FBRSL1: variants seen among roughly 807,000 people sequenced by gnomAD.
The protein encoded by FBRSL1 is fibrosin-1-like protein.
Under a neutral mutation model 89.6 loss-of-function variants are expected in FBRSL1, and 51 were observed. The ratio of observed to expected loss-of-function variants is 0.57; its 90% CI spans 0.45 to 0.72. The LOEUF (loss-of-function observed/expected upper bound fraction) is 0.72, where lower values mean the gene tolerates loss of function less well. Among genes scored for constraint, FBRSL1 ranks in the 30% least tolerant of loss-of-function variants. The pLI is 0.00. For synonymous variants in FBRSL1, 779 were observed against 681.1 expected (o/e 1.14, Z -2.24); for missense variants, 1,618 against 1,451.8 (o/e 1.11, Z -1.86).
intron 4 of FBRSL1, among the ~76,000 whole-genome samples, chr12:132,542,641 C>T (rs1406766883): frequency 1.3e-5 from 2 of 152,184 alleles, no homozygotes; most frequent in Non-Finnish European, 2.9e-5. Context: ...GGCAGTGTTT[C>T]CAGCACCCTT....
chr12:132,511,277 C>A, intron 2 of FBRSL1: 1 of 985,616 alleles, frequency 1.0e-6, no homozygotes, highest in Non-Finnish European at 1.2e-6. Flanking sequence ...GGGGACCCCA[C>A]AGGGTGGGCA....
intron 5 of FBRSL1, chr12:132,552,752 G>A (rs1470029105): frequency 1.9e-5 from 3 of 157,504 alleles, no homozygotes; most frequent in African/African-American, 7.4e-5. Flanking sequence ...CACTCACCCC[G>A]CAGGACAGAC....
chr12:132,559,909 A>C (rs1226737835), intron 5 of FBRSL1: 2 of 149,690 alleles, frequency 1.3e-5, no homozygotes, highest in East Asian at 3.9e-4. Flanking sequence ...GGGCTGGATT[A>C]GTCGGGTCTG....
intron 2 of FBRSL1, chr12:132,509,521 TC>T: frequency 8.1e-7 from 1 of 1,235,310 alleles, no homozygotes; most frequent in Non-Finnish European, 1.0e-6. Context: ...CATTGGGCAC[TC>T]CCAGGCCCCA....
chr12:132,512,037 G>C, intron 2 of FBRSL1: 10 of 983,710 alleles, frequency 1.0e-5, no homozygotes, highest in Non-Finnish European at 1.2e-5. Flanking sequence ...GGCTTGGCTC[G>C]GGATTCATTG....
At chr12:132,511,741 G>A (rs944237424) in intron 2 of FBRSL1, 26 of 985,382 alleles carry the variant, frequency 2.6e-5, no homozygotes, top group Admixed American at 1.8e-4. Flanking sequence ...CCAGCACCCC[G>A]CACTTGCTCA....
chr12:132,559,045 C>G (rs2038899818), intron 5 of FBRSL1, among the ~76,000 whole-genome samples: 1 of 152,264 alleles, frequency 6.6e-6, no homozygotes, highest in Admixed American at 6.5e-5. Context: ...ATGGAAGGGT[C>G]CCGCCCAGGC....
At chr12:132,528,062 C>T (rs955118946) in intron 4 of FBRSL1, 74 bp downstream of exon 4, 20 of 1,362,116 alleles carry the variant, frequency 1.5e-5, no homozygotes, top group South Asian at 6.2e-5. Flanking sequence ...CTCACCTGTC[C>T]GAGGCCCCAC....
In FBRSL1 at chr12:132,584,959, C is replaced by G. The variant is rs1437540449; in HGVS notation, c.*1181C>G. 6.6e-6 allele frequency: 1 copy of G among 152,272 alleles called. No individual in the cohort carries two copies. The highest frequency in any genetic ancestry group is 1.9e-4 in the East Asian group (1 of 5,182). 9.4% of individuals were successfully genotyped at this position (152,272 alleles called of 1,614,324 possible). A position where few individuals can be genotyped will look rare whatever the true frequency, so the allele number is the denominator to read the frequency against. On this transcript the variant is annotated 3_prime_UTR_variant, in exon 19 of 19. Transcript: ENST00000680143. ...GCCTCCTCTCAGTTTGGGTTTTGCCCTCACCCACATGAGCCCCCCCATGCC... is the reference window on the plus strand; with the variant it reads ...GCCTCCTCTCAGTTTGGGTTTTGCCGTCACCCACATGAGCCCCCCCATGCC...
chr12:132,501,841 C>G (rs1352983090), intron 1 of FBRSL1, among the ~76,000 whole-genome samples: 2 of 152,174 alleles, frequency 1.3e-5, no homozygotes, highest in African/African-American at 4.8e-5. Flanking sequence ...CCCGTGGCTC[C>G]TCTCCTTCCT....
At chr12:132,504,514 T>C (rs895222104) in intron 1 of FBRSL1, among the ~76,000 whole-genome samples, 5 of 152,060 alleles carry the variant, frequency 3.3e-5, no homozygotes, top group Non-Finnish European at 5.9e-5. Flanking sequence ...GCAGTGGCGT[T>C]GCGCAGGGAG....
At chr12:132,505,479 G>A (rs1215833208) in intron 1 of FBRSL1, among the ~76,000 whole-genome samples, 2 of 152,064 alleles carry the variant, frequency 1.3e-5, no homozygotes, top group Admixed American at 6.5e-5. Flanking sequence ...ACCCCCACCC[G>A]TGGTCTGCCC....
At chr12:132,576,415 ACTC>A (rs1566240400) in intron 14 of FBRSL1, among the ~76,000 whole-genome samples, 2 of 151,222 alleles carry the variant, frequency 1.3e-5, no homozygotes, top group African/African-American at 4.9e-5. Context: ...CTGGTCTCGA[ACTC>A]CTGACCTCAG....
chr12:132,569,885 G>A (rs538189223), intron 6 of FBRSL1, 41 bp from the exon 7 acceptor site: 53 of 1,327,506 alleles, frequency 4.0e-5, no homozygotes, highest in Middle Eastern at 4.0e-4. Flanking sequence ...GGGCAGGGAC[G>A]AGGCCCTGCT....
intron 5 of FBRSL1, among the ~76,000 whole-genome samples, chr12:132,562,877 T>G (rs886658903): frequency 6.6e-6 from 1 of 152,082 alleles, no homozygotes; most frequent in African/African-American, 2.4e-5. Context: ...CCACACCTGG[T>G]CTTCTCTGAT....
intron 2 of FBRSL1, among the ~76,000 whole-genome samples, chr12:132,512,961 C>T (rs536649693): frequency 3.3e-5 from 5 of 152,326 alleles, no homozygotes; most frequent in African/African-American, 1.2e-4. Context: ...GGGGTGCCGC[C>T]ATGGGGAGGG....
chr12:132,564,910 T>G (rs1421172604), intron 5 of FBRSL1, among the ~76,000 whole-genome samples: 1 of 148,084 alleles, frequency 6.8e-6, no homozygotes, highest in Non-Finnish European at 1.5e-5. Flanking sequence ...ATTTCAGGCG[T>G]GAGCCGCGGC....
At chr12:132,574,401 G>T (rs1197200136) in intron 13 of FBRSL1, 53 bp downstream of exon 13, 59 of 1,549,000 alleles carry the variant, frequency 3.8e-5, no homozygotes, top group Non-Finnish European at 5.1e-5. Flanking sequence ...GTGCCCCCGG[G>T]GCGGCCTCGG....
rs886379911 is a variant in FBRSL1, at chr12:132,571,473, C to T, written c.1377+242C>T. 8.4e-6 allele frequency: 13 copies of T among 1,549,792 alleles called. No homozygotes were observed. In the East Asian group the frequency reaches 1.5e-4, roughly 17 times the overall value. Reference sequence around the variant, plus strand: ...ACACACACCAGCACCAACACACATTCGCCCCCTTCCCCGCAGGGCTGCCCC... The same window carrying T: ...ACACACACCAGCACCAACACACATTTGCCCCCTTCCCCGCAGGGCTGCCCC... On this transcript the variant is annotated intron_variant, in intron 9 of 18. Coordinates refer to ENST00000680143, the MANE Select transcript of FBRSL1 (RefSeq NM_001367871.1).
Sources: allele counts gnomAD v4.1 joint callset (sites outside exome capture counted in the v4.1 genomes callset), GRCh38; gene constraint gnomAD v4.1.1; transcripts MANE v1.5; gene names NCBI Gene and HGNC (gene_info 2026-07-23, HGNC 2026-07-21).